Variants in CD274 observed in about 807,000 individuals in gnomAD.
CD274 encodes the protein CD274 molecule, also known as programmed cell death 1 ligand 1.
CD274 carries 8 observed loss-of-function variants against 30.1 expected under a neutral mutation model. The ratio of observed to expected loss-of-function variants is 0.27; its 90% CI spans 0.16 to 0.48. The LOEUF is 0.48. CD274 is among the 20% of genes least tolerant of loss of function. The pLI is 0.99. For missense variants in CD274, 353 were observed against 346.6 expected (o/e 1.02, Z -0.15); for synonymous variants, 152 against 124.6 (o/e 1.22, Z -1.46).
chr9:5,467,873 G>C lies in CD274; in HGVS notation c.*11G>C, dbSNP rs1471031377. ...TTGGAGGAGACGTAATCCAGCATTGGAACTTCTGATCTTCAAGCAGGGATT... is the reference window on the plus strand; with the variant it reads ...TTGGAGGAGACGTAATCCAGCATTGCAACTTCTGATCTTCAAGCAGGGATT... On this transcript the variant is annotated 3_prime_UTR_variant, in exon 7 of 7. Coordinates refer to ENST00000381577, the MANE Select transcript of CD274 (RefSeq NM_014143.4). The C allele has an allele frequency of 1.2e-6, 2 of 1,606,776 alleles. No individual in the cohort carries two copies. Among genetic ancestry groups the C allele is most frequent in the African/African-American group, 2.7e-5 (2 of 74,818 alleles).
intron 1 of CD274, among the ~76,000 whole-genome samples, chr9:5,451,166 T>C (rs541219094): frequency 2.6e-5 from 4 of 152,242 alleles, no homozygotes; most frequent in Non-Finnish European, 5.9e-5. Flanking sequence ...GACCTTGGCC[T>C]ATGTCAAAGT....
intron 3 of CD274, 87 bp from the exon 4 acceptor site, chr9:5,462,747 A>C: frequency 1.6e-6 from 2 of 1,274,344 alleles, no homozygotes; most frequent in Non-Finnish European, 2.2e-6. Flanking sequence ...GCCTGCATTG[A>C]TACTCTTTCT....
chr9:5,467,787 CT>C, intron 6 of CD274, 52 bp from the exon 7 acceptor site: 7 of 1,430,840 alleles, frequency 4.9e-6, no homozygotes, highest in Non-Finnish European at 5.9e-6. Context: ...TTTCTTGTTA[CT>C]TTTTCCCCAG....
rs1277071900 is a variant in CD274 at position 5,465,617 on chromosome 9, C to T, written c.790+11C>T. On this transcript the variant is annotated intron_variant, in intron 5 of 6. Coordinates refer to ENST00000381577, the MANE Select transcript of CD274 (RefSeq NM_014143.4). ...TCCGTTTAAGAAAAGGTAGTATTTC[C>T]TTAATTGCAGTGGTCTCCACTGGGG... is the stretch of plus-strand genomic sequence containing the variant. 1 of 1,491,230 alleles carries T rather than the reference C, an allele frequency of 6.7e-7. No individual in the cohort carries two copies. Among genetic ancestry groups the T allele is most frequent in the African/African-American group, 1.4e-5 (1 of 72,502 alleles). 92.4% of individuals were successfully genotyped at this position (1,491,230 alleles called of 1,614,324 possible). A position where few individuals can be genotyped will look rare whatever the true frequency, so the allele number is the denominator to read the frequency against.
At position 5,456,266 on chromosome 9, in the gene CD274, G is replaced by A. The variant is rs1819300548; in HGVS notation, c.52+101G>A. 5.4e-6 allele frequency: 4 copies of A among 740,188 alleles called. No individual in the cohort carries two copies. The South Asian group carries it at 6.7e-5, about 12-fold the overall frequency. The allele number at this position is 740,188 out of a possible 1,614,324, so 45.9% of individuals were successfully genotyped here. On this transcript the variant is annotated intron_variant, in intron 2 of 6. Transcript: ENST00000381577. Reference sequence around the variant, plus strand: ...TTAAAATGCATGCAATTTTCTTATAGAGAGAACATTCTATTCTTTCTTCTA... The same window carrying A: ...TTAAAATGCATGCAATTTTCTTATAAAGAGAACATTCTATTCTTTCTTCTA...
chr9:5,454,655 GTT>G (rs957739390), intron 1 of CD274, among the ~76,000 whole-genome samples: 13 of 141,102 alleles, frequency 9.2e-5, no homozygotes, highest in Non-Finnish European at 1.7e-4. Flanking sequence ...GTGTGTGTGT[GTT>G]TTTGTTTTAG....
rs1819434042 is a variant in CD274 at position 5,463,027 on chromosome 9, A to T, written c.588A>T (p.Thr196=). ...AGAAGCTTTTCAATGTGACCAGCACACTGAGAATCAACACAACAACTAATG... is the reference window on the plus strand; with the variant it reads ...AGAAGCTTTTCAATGTGACCAGCACTCTGAGAATCAACACAACAACTAATG... ...REEKLFNVTS[T]LRINTTTNEI... Residue 196 remains threonine (T), a synonymous_variant, in exon 4 of 7, where the codon ACA becomes ACT. Transcript: ENST00000381577. 6.2e-7 allele frequency: 1 copy of T among 1,613,994 alleles called. No individual in the cohort carries two copies. The highest frequency in any genetic ancestry group is 2.2e-5 in the East Asian group (1 of 44,882).
At chr9:5,464,974 C>A (rs112391448) in intron 4 of CD274, among the ~76,000 whole-genome samples, 2,334 of 151,878 alleles carry the variant, frequency 0.015, 74 homozygotes, top group African/African-American at 0.054. Context: ...GTAATCCCAG[C>A]TACTCGGGAG....
intron 3 of CD274, among the ~76,000 whole-genome samples, chr9:5,462,153 C>G (rs1389916367): frequency 6.6e-6 from 1 of 152,188 alleles, no homozygotes; most frequent in East Asian, 1.9e-4. Flanking sequence ...TAAAAAGTAT[C>G]ACCAGGAACA....
chr9:5,458,968 A>T (rs1819355311), intron 3 of CD274, among the ~76,000 whole-genome samples: 1 of 152,222 alleles, frequency 6.6e-6, no homozygotes, highest in Non-Finnish European at 1.5e-5. Flanking sequence ...AGTCAGGAAG[A>T]AGGCAGCATA....
intron 1 of CD274, among the ~76,000 whole-genome samples, chr9:5,452,988 G>A (rs757619734): frequency 6.6e-6 from 1 of 151,436 alleles, no homozygotes; most frequent in Non-Finnish European, 1.5e-5. Context: ...TTTTATAACT[G>A]TACAGTTATA....
intron 3 of CD274, among the ~76,000 whole-genome samples, chr9:5,461,934 A>G (rs1239051753): frequency 6.6e-6 from 1 of 152,156 alleles, no homozygotes; most frequent in African/African-American, 2.4e-5. Flanking sequence ...CAGAAAAAGG[A>G]TATTAGGGAA....
intron 3 of CD274, among the ~76,000 whole-genome samples, chr9:5,458,447 C>G (rs544594116): frequency 3.9e-5 from 6 of 152,172 alleles, no homozygotes; most frequent in Non-Finnish European, 8.8e-5. Flanking sequence ...TAGTTGTAGT[C>G]TTGGGATTAT....
intron 3 of CD274, among the ~76,000 whole-genome samples, chr9:5,460,403 T>G (rs1028622405): frequency 1.3e-5 from 2 of 152,132 alleles, no homozygotes; most frequent in Admixed American, 1.3e-4. Flanking sequence ...CATTTCCTCC[T>G]GGAAATGACT....
chr9:5,463,828 C>G (rs943950154), intron 4 of CD274, among the ~76,000 whole-genome samples: 1 of 152,136 alleles, frequency 6.6e-6, no homozygotes, highest in Non-Finnish European at 1.5e-5. Context: ...TGATTTGAGA[C>G]CATTGCCTGC....
At chr9:5,453,796 G>A (rs764218028) in intron 1 of CD274, among the ~76,000 whole-genome samples, 5 of 152,198 alleles carry the variant, frequency 3.3e-5, no homozygotes, top group Admixed American at 6.5e-5. Context: ...CACTGTTGAC[G>A]TTTTAGGCTG....
chr9:5,456,527 A>T (rs1181965030), intron 2 of CD274, among the ~76,000 whole-genome samples: 1 of 152,228 alleles, frequency 6.6e-6, no homozygotes, highest in Non-Finnish European at 1.5e-5. Flanking sequence ...GCTCTGTGAC[A>T]TGCCTTTCCT....
intron 3 of CD274, among the ~76,000 whole-genome samples, chr9:5,458,776 C>G (rs1563803449): frequency 1.3e-5 from 2 of 152,136 alleles, no homozygotes; most frequent in Admixed American, 6.5e-5. Context: ...TATATTTTAC[C>G]ATATGCTTCT....
At chr9:5,465,696 C>A (rs181998329) in intron 5 of CD274, 90 bp downstream of exon 5, 1 of 770,210 alleles carries the variant, frequency 1.3e-6, no homozygotes, top group East Asian at 2.6e-5. Context: ...GACTTAACCT[C>A]TGCAAGGTGG....
Sources: gnomAD v4.1 joint callset for allele counts (sites outside exome capture counted in the v4.1 genomes callset) on GRCh38, gnomAD v4.1.1 for gene constraint, MANE v1.5 for transcripts, NCBI Gene and HGNC (gene_info 2026-07-23, HGNC 2026-07-21) for gene names.